The following RTKN2 variants were observed in gnomAD, a reference collection of about 807,000 sequenced individuals.
The protein encoded by RTKN2 is rhotekin-2.
A neutral mutation model predicts 71.5 loss-of-function variants in RTKN2; 69 were observed. The observed-to-expected ratio is 0.96, with a 90% CI of 0.79 to 1.18. The LOEUF is 1.18. Among genes scored for constraint, RTKN2 ranks in the 50% most tolerant of loss-of-function variants. The pLI is 0.00. For missense variants in RTKN2, 724 were observed against 719.7 expected (o/e 1.01, Z -0.07); for synonymous variants, 236 against 236.5 (o/e 1.00, Z 0.02).
Position 62,195,328 on chromosome 10 carries a change from A to T in RTKN2, c.*2580T>A, listed in dbSNP as rs915869153. On this transcript the variant is annotated 3_prime_UTR_variant, in exon 12 of 12. Transcript: ENST00000373789. Reference sequence around the variant, plus strand: ...ACAAGGAATGTGAAAGCTCATAAAAAGCTGAAGCAGCTTTCATATTACATG... The same window carrying T: ...ACAAGGAATGTGAAAGCTCATAAAATGCTGAAGCAGCTTTCATATTACATG... 6.1e-6 allele frequency: 6 copies of T among 985,164 alleles called. No individual in the cohort carries two copies. Among genetic ancestry groups the T allele is most frequent in the African/African-American group, 1.7e-5 (1 of 57,250 alleles). The allele number at this position is 985,164 out of a possible 1,614,324, so 61.0% of individuals were successfully genotyped here.
rs1841305243 is a variant in RTKN2, at chr10:62,195,505, A to C, written c.*2403T>G. On this transcript the variant is annotated 3_prime_UTR_variant, in exon 12 of 12. Coordinates refer to ENST00000373789, the MANE Select transcript of RTKN2 (RefSeq NM_145307.4). ...AGGAGAGACAGAAGGAAAGTGGGAA[A>C]AGGGGATGAGACAGAGAGAGAGGAC... is the stretch of plus-strand genomic sequence containing the variant. 1.2e-6 allele frequency: 1 copy of C among 856,604 alleles called. No individual in the cohort carries two copies. Among genetic ancestry groups the C allele is most frequent in the Admixed American group, 6.3e-5 (1 of 15,932 alleles). 53.1% of individuals were successfully genotyped at this position (856,604 alleles called of 1,614,324 possible). A position where few individuals can be genotyped will look rare whatever the true frequency, so the allele number is the denominator to read the frequency against.
intron 2 of RTKN2, among the ~76,000 whole-genome samples, chr10:62,257,883 G>A (rs1448473476): frequency 1.3e-5 from 2 of 152,196 alleles, no homozygotes; most frequent in Non-Finnish European, 2.9e-5. Flanking sequence ...TCATCCTAAC[G>A]ACCTACTGCC....
chr10:62,197,975 G>A lies in RTKN2; in HGVS notation c.1763C>T (p.Pro588Leu). The A allele has an allele frequency of 1.2e-6, 2 of 1,614,026 alleles. No homozygotes were observed. Among genetic ancestry groups the A allele is most frequent in the East Asian group, 2.2e-5 (1 of 44,880 alleles). ...TTTGATGGATTTCTGCCTTGGAGCT[G>A]GCACTGGCTTGGCTTCAAAATTGGT... ...TKTNFEAKPV[P>L]APRQKSIKDI... is the part of the protein sequence containing the mutation. Residue 588 changes from proline (P) to leucine (L), a missense_variant, in exon 12 of 12, where the codon CCA becomes CTA. Physicochemically the swap from Pro to Leu is moderately conservative, Grantham distance 98. Transcript: ENST00000373789.
chr10:62,262,671 C>T lies in RTKN2; in HGVS notation c.211G>A (p.Glu71Lys), dbSNP rs1184352105. 5.0e-6 allele frequency: 8 copies of T among 1,612,414 alleles called. No homozygotes were observed. In the East Asian group the frequency reaches 1.6e-4, roughly 31 times the overall value. The stretch of plus-strand genomic sequence containing the variant: ...ATCTGTTCTTCTAATTTCTGTAGCT[C>T]CGATGTATAGGCCATTAGTCGAGCA... ...CNARLMAYTS[E>K]LQKLEEQIAN... Residue 71 changes from glutamate (E) to lysine (K), a missense_variant, in exon 2 of 12, where the codon GAG becomes AAG. Coordinates refer to ENST00000373789, the MANE Select transcript of RTKN2 (RefSeq NM_145307.4).
chr10:62,250,543 C>T (rs1842561273), intron 2 of RTKN2, among the ~76,000 whole-genome samples: 1 of 152,178 alleles, frequency 6.6e-6, no homozygotes, highest in Non-Finnish European at 1.5e-5. Flanking sequence ...CATGGTTTTG[C>T]TTTCCATGGT....
At chr10:62,207,460 T>A (rs1841570636) in intron 9 of RTKN2, among the ~76,000 whole-genome samples, 1 of 152,082 alleles carries the variant, frequency 6.6e-6, no homozygotes, top group Non-Finnish European at 1.5e-5. Flanking sequence ...GAAAAAGTGA[T>A]TAATACAAGT....
intron 3 of RTKN2, among the ~76,000 whole-genome samples, chr10:62,241,942 G>A (rs942891313): frequency 1.3e-4 from 20 of 151,800 alleles, no homozygotes; most frequent in Non-Finnish European, 2.1e-4. Context: ...CTCGTGATCC[G>A]CCTGCCTAGG....
intron 6 of RTKN2, among the ~76,000 whole-genome samples, chr10:62,235,451 AT>A (rs1842236049): frequency 1.3e-5 from 2 of 152,198 alleles, no homozygotes; most frequent in South Asian, 4.1e-4. Context: ...ACAACATTTC[AT>A]TTTTTTGGTA....
intron 6 of RTKN2, among the ~76,000 whole-genome samples, chr10:62,226,499 A>C (rs1842026684): frequency 1.3e-5 from 2 of 152,194 alleles, no homozygotes; most frequent in South Asian, 4.1e-4. Context: ...AGGAAAATTT[A>C]TGTTTCTGTC....
Position 62,268,589 on chromosome 10 carries a change from C to G in RTKN2, c.22G>C (p.Gly8Arg). Reference sequence around the variant, plus strand: ...AGCCCCGCCAGGCGGAGCGCAGGACCCCTCAGGCTCGGCCCCTCCATCTCC... The same window carrying G: ...AGCCCCGCCAGGCGGAGCGCAGGACGCCTCAGGCTCGGCCCCTCCATCTCC... MEGPSLR[G>R]PALRLAGLPT... is the part of the protein sequence containing the mutation. The change falls in exon 1 of 12, where the codon GGT becomes CGT. Residue 8 changes from glycine (G) to arginine (R), a missense_variant. By Grantham distance (125) the Gly-to-Arg change is moderately radical. Coordinates refer to ENST00000373789, the MANE Select transcript of RTKN2 (RefSeq NM_145307.4). 1 of 1,565,386 alleles carries G rather than the reference C, an allele frequency of 6.4e-7. No individual in the cohort carries two copies. Among genetic ancestry groups the G allele is most frequent in the South Asian group, 1.2e-5 (1 of 84,918 alleles).
intron 6 of RTKN2, among the ~76,000 whole-genome samples, chr10:62,235,027 C>A (rs1372902701): frequency 7.3e-5 from 11 of 151,388 alleles, no homozygotes; most frequent in Non-Finnish European, 1.5e-4. Context: ...AATACAAGGG[C>A]CAGAAAAAAA....
At chr10:62,217,795 C>T (rs1037927169) in intron 8 of RTKN2, among the ~76,000 whole-genome samples, 3 of 152,046 alleles carry the variant, frequency 2.0e-5, no homozygotes, top group African/African-American at 7.3e-5. Context: ...AATAAATCAG[C>T]AGTAGGTGGC....
chr10:62,210,919 C>T (rs903224327), intron 9 of RTKN2, among the ~76,000 whole-genome samples: 1 of 151,988 alleles, frequency 6.6e-6, no homozygotes, highest in Non-Finnish European at 1.5e-5. Context: ...ATCCCATGTG[C>T]TTCATAATAA....
At chr10:62,233,804 T>C (rs1288229641) in intron 6 of RTKN2, among the ~76,000 whole-genome samples, 3 of 152,122 alleles carry the variant, frequency 2.0e-5, no homozygotes, top group Non-Finnish European at 2.9e-5. Flanking sequence ...AAAGAGTAAT[T>C]TCATTAAATT....
intron 9 of RTKN2, among the ~76,000 whole-genome samples, chr10:62,209,265 T>C (rs1841610633): frequency 6.6e-6 from 1 of 151,420 alleles, no homozygotes; most frequent in South Asian, 2.1e-4. Flanking sequence ...CGAAACTCCA[T>C]CTCAAAAAAA....
chr10:62,187,839 A>G (rs1032786207), intron 8 of RTKN2, among the ~76,000 whole-genome samples: 3 of 152,108 alleles, frequency 2.0e-5, no homozygotes, highest in Non-Finnish European at 4.4e-5. Context: ...TGCCCCAACT[A>G]CTCAGAGAGA....
At chr10:62,244,701 C>A (rs1842445286) in intron 3 of RTKN2, among the ~76,000 whole-genome samples, 1 of 151,784 alleles carries the variant, frequency 6.6e-6, no homozygotes, top group African/African-American at 2.4e-5. Flanking sequence ...TGTTTGATAG[C>A]AAAAGAATAC....
intron 9 of RTKN2, among the ~76,000 whole-genome samples, chr10:62,205,308 A>T (rs1841528492): frequency 1.3e-5 from 2 of 152,192 alleles, no homozygotes; most frequent in African/African-American, 4.8e-5. Flanking sequence ...CCCTGTTTTG[A>T]TCCATCTCAG....
rs951080303 is a variant in RTKN2 at position 62,268,709 on chromosome 10, C to G, written c.-99G>C. The G allele has an allele frequency of 5.5e-6, 7 of 1,273,660 alleles. No homozygotes were observed. In the African/African-American group the frequency reaches 1.1e-4, roughly 19 times the overall value. 78.9% of individuals were successfully genotyped at this position (1,273,660 alleles called of 1,614,324 possible). On this transcript the variant is annotated 5_prime_UTR_variant, in exon 1 of 12. Coordinates refer to ENST00000373789, the MANE Select transcript of RTKN2 (RefSeq NM_145307.4). ...CCGCAGAGGACGCCAACCGCCCGGC[C>G]GTACCAAGTCCCAGTCGCAGGGGCC... is the stretch of plus-strand genomic sequence containing the variant.
Sources: gnomAD v4.1 joint callset for allele counts (sites outside exome capture counted in the v4.1 genomes callset) on GRCh38, gnomAD v4.1.1 for gene constraint, MANE v1.5 for transcripts, NCBI Gene and HGNC (gene_info 2026-07-23, HGNC 2026-07-21) for gene names.